EYS: variants seen among roughly 807,000 people sequenced by gnomAD.
EYS encodes the protein protein eyes shut homolog.
EYS carries 250 observed loss-of-function variants against 282.1 expected under a neutral mutation model. The ratio of observed to expected loss-of-function variants is 0.89; its 90% CI spans 0.80 to 0.98. EYS has a LOEUF of 0.98. Ranked by LOEUF, EYS falls within the 50% of genes least tolerant of loss-of-function variation. The probability of loss-of-function intolerance (pLI) is 0.00; values close to 1 mark genes in which losing one functional copy is unlikely to be tolerated. For missense variants in EYS, 4,016 were observed against 3,709.0 expected, an observed-to-expected ratio of 1.08 and a Z score of -2.15; for synonymous variants, 1,355 against 1,282.9, an observed-to-expected ratio of 1.06 and a Z score of -1.20.
intron 12 of EYS, among the ~76,000 whole-genome samples, chr6:65,218,422 G>A (rs1766373160): frequency 6.6e-6 from 1 of 152,056 alleles, no homozygotes; most frequent in Non-Finnish European, 1.5e-5. Flanking sequence ...AGGTAAGAAT[G>A]TGTTTTTTGA....
At chr6:65,181,371 A>G (rs996148161) in intron 12 of EYS, among the ~76,000 whole-genome samples, 1 of 152,124 alleles carries the variant, frequency 6.6e-6, no homozygotes, top group Non-Finnish European at 1.5e-5. Flanking sequence ...GAAAAAAACA[A>G]ACAACCCTAT....
In EYS at chr6:65,402,589, C is replaced by G; in HGVS notation, c.1073G>C (p.Cys358Ser). ...AAGCAAATCTGTAAATATTGGTGAACAGATGCACATAACATCCTAGGAAAG... is the reference window on the plus strand; with the variant it reads ...AAGCAAATCTGTAAATATTGGTGAAGAGATGCACATAACATCCTAGGAAAG... Reference protein sequence around the residue: ...IKISNDVMCICSPIFTDLLCK... With the variant: ...IKISNDVMCISSPIFTDLLCK... The change falls in exon 7 of 43, where the codon TGT becomes TCT. Residue 358 changes from cysteine (C) to serine (S), a missense_variant. Cys to Ser is a moderately radical substitution (Grantham distance 112). Transcript: ENST00000503581. 1 of 1,575,686 alleles carries G rather than the reference C, an allele frequency of 6.3e-7. No homozygotes were observed. Among genetic ancestry groups the G allele is most frequent in the East Asian group, 2.3e-5 (1 of 44,444 alleles).
chr6:65,453,330 T>C (rs1262641332), intron 5 of EYS, among the ~76,000 whole-genome samples: 1 of 152,050 alleles, frequency 6.6e-6, no homozygotes, highest in Non-Finnish European at 1.5e-5. Flanking sequence ...AATCTCAGCT[T>C]ATGTATTTAA....
intron 22 of EYS, among the ~76,000 whole-genome samples, chr6:64,807,081 C>A (rs955013918): frequency 9.9e-5 from 15 of 152,030 alleles, no homozygotes; most frequent in African/African-American, 2.4e-5. Context: ...GTTAATAATA[C>A]TTATGGATTT....
intron 25 of EYS, among the ~76,000 whole-genome samples, 196 bp downstream of exon 25, chr6:64,592,921 C>T (rs1766455934): frequency 1.3e-5 from 2 of 151,754 alleles, no homozygotes; most frequent in African/African-American, 2.4e-5. Context: ...TTTACTGATC[C>T]AGAAATAGTA....
Position 64,181,148 on chromosome 6 carries a change from C to G in EYS, c.6424+49444G>C, listed in dbSNP as rs1314342703. 5.9e-5 allele frequency among the ~76,000 whole-genome samples: 9 copies of G among 152,178 alleles called. No individual in the cohort carries two copies. The East Asian group carries it at 1.7e-3, about 29-fold the overall frequency. On this transcript the variant is annotated intron_variant, in intron 31 of 42. Transcript: ENST00000503581. ...AAGTGAAGAAAAAAGAAAACACTGA[C>G]AAAATATAGAGTAATGCCTTATAAC...
intron 1 of EYS, among the ~76,000 whole-genome samples, chr6:65,648,313 TA>T (rs1767527071): frequency 1.1e-5 from 1 of 89,934 alleles, no homozygotes; most frequent in African/African-American, 3.9e-5. Flanking sequence ...AAAGAAAATA[TA>T]TGTGTGTGTG....
At chr6:63,990,396 T>C (rs185913336) in intron 34 of EYS, among the ~76,000 whole-genome samples, 4 of 151,604 alleles carry the variant, frequency 2.6e-5, no homozygotes, top group Non-Finnish European at 4.4e-5. Context: ...TCATTATAGG[T>C]CCACTCCCCA....
chr6:64,401,932 T>A (rs184583314), intron 28 of EYS, among the ~76,000 whole-genome samples: 2 of 152,144 alleles, frequency 1.3e-5, no homozygotes, highest in African/African-American at 2.4e-5. Flanking sequence ...CAAGTCCCCA[T>A]GTTTCCTGTT....
At chr6:64,195,358 A>G (rs1765253715) in intron 31 of EYS, among the ~76,000 whole-genome samples, 2 of 152,216 alleles carry the variant, frequency 1.3e-5, no homozygotes, top group South Asian at 2.1e-4. Context: ...GCTGGTGTGC[A>G]GAGGCACGAT....
At chr6:65,113,248 A>T (rs1465050976) in intron 12 of EYS, among the ~76,000 whole-genome samples, 1 of 152,086 alleles carries the variant, frequency 6.6e-6, no homozygotes, top group Non-Finnish European at 1.5e-5. Flanking sequence ...ATCTCAGTGA[A>T]ACCTAAATGT....
intron 5 of EYS, among the ~76,000 whole-genome samples, chr6:65,468,161 C>G (rs1045116296): frequency 6.6e-6 from 1 of 152,122 alleles, no homozygotes; most frequent in Non-Finnish European, 1.5e-5. Context: ...TAACAAAAAG[C>G]TGTTTCCAGA....
In EYS at chr6:63,730,940, G is replaced by T. The variant is rs570058903; in HGVS notation, c.8072-4260C>A. The stretch of plus-strand genomic sequence containing the variant: ...GGAGGCTGAGGCAGGAGGATCGCTT[G>T]AACTTGGGAGGCAGAGGTTGCAGTG... On this transcript the variant is annotated intron_variant, in intron 41 of 42. Coordinates refer to ENST00000503581, the MANE Select transcript of EYS (RefSeq NM_001142800.2). Among the ~76,000 whole-genome samples the T allele has an allele frequency of 1.2e-4, 19 of 152,276 alleles. 1 individual carries two copies. In the South Asian group the frequency reaches 3.9e-3, roughly 32 times the overall value.
At chr6:64,420,494 A>G (rs1191682269) in intron 28 of EYS, among the ~76,000 whole-genome samples, 2 of 146,924 alleles carry the variant, frequency 1.4e-5, no homozygotes, top group East Asian at 4.2e-4. Flanking sequence ...TTGGTTTTCT[A>G]TTAACTTCTG....
At chr6:64,443,599 T>C (rs1038723664) in intron 26 of EYS, among the ~76,000 whole-genome samples, 2 of 152,182 alleles carry the variant, frequency 1.3e-5, no homozygotes, top group African/African-American at 2.4e-5. Flanking sequence ...TGAGAGATGA[T>C]TGAATCATGG....
intron 22 of EYS, among the ~76,000 whole-genome samples, chr6:64,782,447 A>G (rs2149994607): frequency 6.6e-6 from 1 of 152,328 alleles, no homozygotes; most frequent in East Asian, 1.9e-4. Context: ...TGAACATGGA[A>G]ATATCTCTCA....
chr6:65,125,291 T>C (rs184004540), intron 12 of EYS, among the ~76,000 whole-genome samples: 7 of 152,332 alleles, frequency 4.6e-5, no homozygotes, highest in Admixed American at 4.6e-4. Context: ...ATTAGGATTG[T>C]TCAGTGTAGA....
intron 24 of EYS, 93 bp downstream of exon 24, chr6:64,617,325 C>A: frequency 1.2e-6 from 1 of 826,616 alleles, no homozygotes; most frequent in East Asian, 2.7e-5. Context: ...TTAACTACTC[C>A]GACCTTATTT....
intron 29 of EYS, among the ~76,000 whole-genome samples, chr6:64,350,359 C>G (rs191501280): frequency 2.0e-5 from 3 of 151,634 alleles, no homozygotes; most frequent in Admixed American, 2.0e-4. Flanking sequence ...TACCTAATTC[C>G]GAATGTTAAA....
Sources: gnomAD v4.1 joint callset for allele counts (sites outside exome capture counted in the v4.1 genomes callset) on GRCh38, gnomAD v4.1.1 for gene constraint, MANE v1.5 for transcripts, NCBI Gene and HGNC (gene_info 2026-07-23, HGNC 2026-07-21) for gene names.